GTPBP10: variants seen among roughly 807,000 people sequenced by gnomAD.
The protein encoded by GTPBP10 is GTP-binding protein 10.
GTPBP10 carries 38 observed loss-of-function variants against 44.8 expected under a neutral mutation model. That is an observed-to-expected ratio of 0.85 (90% CI 0.65 to 1.11). GTPBP10 has a LOEUF of 1.11. Among genes scored for constraint, GTPBP10 ranks in the 50% most tolerant of loss-of-function variants. GTPBP10 has a pLI of 0.00. For missense variants in GTPBP10, 462 were observed against 453.7 expected, an observed-to-expected ratio of 1.02 and a Z score of -0.17; for synonymous variants, 152 against 150.6, an observed-to-expected ratio of 1.01 and a Z score of -0.07.
chr7:90,358,350 A>G (rs1470502665), intron 4 of GTPBP10, among the ~76,000 whole-genome samples: 2 of 152,214 alleles, frequency 1.3e-5, no homozygotes, highest in African/African-American at 4.8e-5. Context: ...GAGGAATCAT[A>G]TTACCTGACT....
At chr7:90,378,403 A>G in intron 8 of GTPBP10, 192 bp downstream of exon 8, 1 of 322,230 alleles carries the variant, frequency 3.1e-6, no homozygotes, top group Non-Finnish European at 4.5e-6. Flanking sequence ...AGTGGATAAA[A>G]CACTCCTGGG....
At chr7:90,348,044 T>C (rs1217579933) in intron 1 of GTPBP10, among the ~76,000 whole-genome samples, 4 of 151,984 alleles carry the variant, frequency 2.6e-5, no homozygotes, top group African/African-American at 7.3e-5. Context: ...CTGGGCAACA[T>C]AGCAAGACCC....
At chr7:90,347,821 CAA>C (rs1191662001) in intron 1 of GTPBP10, among the ~76,000 whole-genome samples, 1 of 152,152 alleles carries the variant, frequency 6.6e-6, no homozygotes, top group Non-Finnish European at 1.5e-5. Context: ...ATAGGAAAAA[CAA>C]ATGACATTCT....
At chr7:90,381,418 T>C (rs1263837583) in intron 8 of GTPBP10, among the ~76,000 whole-genome samples, 2 of 152,216 alleles carry the variant, frequency 1.3e-5, no homozygotes, top group Non-Finnish European at 2.9e-5. Context: ...CATATATTGG[T>C]CATTTGTTTG....
At chr7:90,348,797 G>A (rs1795733816) in intron 1 of GTPBP10, among the ~76,000 whole-genome samples, 1 of 152,172 alleles carries the variant, frequency 6.6e-6, no homozygotes, top group Non-Finnish European at 1.5e-5. Context: ...TTTGGTTTCA[G>A]TGCCTCTTCA....
At chr7:90,365,532 C>T (rs1430566083) in intron 4 of GTPBP10, among the ~76,000 whole-genome samples, 8 of 151,312 alleles carry the variant, frequency 5.3e-5, no homozygotes, top group South Asian at 2.1e-4. Flanking sequence ...CCCGCCACTA[C>T]GCCCGGCTAA....
intron 9 of GTPBP10, among the ~76,000 whole-genome samples, 159 bp from the exon 10 acceptor site, chr7:90,384,733 G>A (rs17866390): frequency 0.015 from 2,349 of 151,828 alleles, 59 homozygotes; most frequent in African/African-American, 0.052. Flanking sequence ...CATAATCAAT[G>A]GTAAAATCCA....
intron 4 of GTPBP10, among the ~76,000 whole-genome samples, chr7:90,364,124 T>G (rs1241316788): frequency 6.6e-6 from 1 of 152,238 alleles, no homozygotes; most frequent in African/African-American, 2.4e-5. Flanking sequence ...TGAAGCCTTC[T>G]TCTCTCAACT....
rs1395606269 is a variant in GTPBP10 at position 90,390,752 on chromosome 7, T to C, written c.*5598T>C. On this transcript the variant is annotated 3_prime_UTR_variant, in exon 10 of 10. Transcript: ENST00000222511. ...CAGTATATTTTTCTGAAACTGCCAA[T>C]ATTTTCTGATCGGTACTTTCATTTT... 6.6e-6 allele frequency: 1 copy of C among 152,216 alleles called. No homozygotes were observed. The highest frequency in any genetic ancestry group is 1.5e-5 in the Non-Finnish European group (1 of 68,038). The allele number at this position is 152,216 out of a possible 1,614,324, so 9.4% of individuals were successfully genotyped here. A position where few individuals can be genotyped will look rare whatever the true frequency, so the allele number is the denominator to read the frequency against.
chr7:90,357,957 A>G (rs1795939276), intron 4 of GTPBP10, among the ~76,000 whole-genome samples: 1 of 151,884 alleles, frequency 6.6e-6, no homozygotes, highest in African/African-American at 2.4e-5. Flanking sequence ...AGGCAAGAGA[A>G]AAAAAGGGCA....
intron 6 of GTPBP10, among the ~76,000 whole-genome samples, chr7:90,377,026 G>A (rs533649868): frequency 1.3e-5 from 2 of 152,286 alleles, no homozygotes; most frequent in East Asian, 3.9e-4. Context: ...GAGTTTGAGA[G>A]CAGCCTGTGC....
chr7:90,365,578 GT>G (rs1289428031), intron 4 of GTPBP10, among the ~76,000 whole-genome samples: 4 of 151,518 alleles, frequency 2.6e-5, no homozygotes, highest in African/African-American at 9.7e-5. Context: ...GGGTTTCACC[GT>G]TTTAGCCGGG....
rs10246582 is a variant in GTPBP10 at position 90,365,773 on chromosome 7, C to G, written c.465-6382C>G. ...CCCTTTATTTCTCTCTCTTGCCTGA[C>G]GGCCCTGGCCAAAACTTCCAACACT... On this transcript the variant is annotated intron_variant, in intron 4 of 9. Transcript: ENST00000222511. Among the ~76,000 whole-genome samples, 1,013 of 152,304 alleles carry G rather than the reference C, an allele frequency of 6.7e-3. 16 individuals carry two copies. The highest frequency in any genetic ancestry group is 0.023 in the African/African-American group (956 of 41,548).
chr7:90,384,795 G>A, intron 9 of GTPBP10, 97 bp from the exon 10 acceptor site: 1 of 1,239,146 alleles, frequency 8.1e-7, no homozygotes, highest in Admixed American at 2.5e-5. Context: ...AAAAATGCTG[G>A]TGTTGGTTCC....
chr7:90,362,365 T>C (rs560934186), intron 4 of GTPBP10, among the ~76,000 whole-genome samples: 1 of 152,330 alleles, frequency 6.6e-6, no homozygotes, highest in South Asian at 2.1e-4. Context: ...AGAACATCTT[T>C]ATTTCTGCCT....
chr7:90,366,158 C>G (rs537134922), intron 4 of GTPBP10, among the ~76,000 whole-genome samples: 2 of 152,060 alleles, frequency 1.3e-5, no homozygotes, highest in African/African-American at 4.8e-5. Flanking sequence ...CTGCTGGGTT[C>G]GGTTTGCCAG....
intron 1 of GTPBP10, among the ~76,000 whole-genome samples, chr7:90,351,839 G>A (rs1184491595): frequency 4.6e-5 from 7 of 152,228 alleles, no homozygotes; most frequent in South Asian, 2.1e-4. Context: ...GGGACTACAG[G>A]CGCCCGCCAC....
intron 4 of GTPBP10, among the ~76,000 whole-genome samples, chr7:90,364,073 G>A (rs1349524111): frequency 6.6e-6 from 1 of 152,102 alleles, no homozygotes; most frequent in Non-Finnish European, 1.5e-5. Context: ...CTTTGTGATG[G>A]GTTCCAACTT....
At chr7:90,368,500 T>C (rs972902277) in intron 4 of GTPBP10, among the ~76,000 whole-genome samples, 8 of 152,200 alleles carry the variant, frequency 5.3e-5, no homozygotes, top group Admixed American at 4.6e-4. Flanking sequence ...CAGTTTTTTT[T>C]CCTCTAATTT....
Sources: gnomAD v4.1 joint callset for allele counts (sites outside exome capture counted in the v4.1 genomes callset) on GRCh38, gnomAD v4.1.1 for gene constraint, MANE v1.5 for transcripts, NCBI Gene and HGNC (gene_info 2026-07-23, HGNC 2026-07-21) for gene names.